PEAK1: variants seen among roughly 807,000 people sequenced by gnomAD.
PEAK1 encodes inactive tyrosine-protein kinase PEAK1.
Under a neutral mutation model 124.7 loss-of-function variants are expected in PEAK1, and 54 were observed. The ratio of observed to expected loss-of-function variants is 0.43; its 90% confidence interval spans 0.35 to 0.54. PEAK1 has a LOEUF of 0.54. Ranked by LOEUF, PEAK1 falls within the 20% of genes least tolerant of loss-of-function variation. The pLI, the probability that PEAK1 is intolerant of heterozygous loss-of-function variation, is 0.01. For synonymous variants in PEAK1, 719 were observed against 760.0 expected (o/e 0.95, Z 0.89); for missense variants, 2,046 against 2,134.5 (o/e 0.96, Z 0.82).
chr15:77,239,754 C>CA, intron 6 of PEAK1: 1 of 732,508 alleles, frequency 1.4e-6, no homozygotes, highest in Non-Finnish European at 1.7e-6. Flanking sequence ...ATGGGATTTA[C>CA]AGAGTATTCC....
At chr15:77,289,445 G>GA (rs1404215928) in intron 2 of PEAK1, among the ~76,000 whole-genome samples, 4 of 152,184 alleles carry the variant, frequency 2.6e-5, no homozygotes, top group Non-Finnish European at 5.9e-5. Context: ...TAGGGAAAGT[G>GA]AAAATATAGT....
intron 7 of PEAK1, among the ~76,000 whole-genome samples, chr15:77,160,595 G>C (rs949577220): frequency 2.0e-5 from 3 of 152,076 alleles, no homozygotes; most frequent in East Asian, 3.9e-4. Flanking sequence ...AGAATCTCTT[G>C]AACCTGGGAG....
intron 7 of PEAK1, among the ~76,000 whole-genome samples, chr15:77,176,965 G>GTT (rs200657147): frequency 6.6e-6 from 1 of 151,288 alleles, no homozygotes. Flanking sequence ...TGAAATACAT[G>GTT]TTTTTTTTTG....
Position 77,286,468 on chromosome 15 carries a change from T to C in PEAK1, c.-566A>G, listed in dbSNP as rs527684872. The C allele has an allele frequency of 1.2e-5, 15 of 1,229,984 alleles. No homozygotes were observed. The highest frequency in any genetic ancestry group is 6.2e-4 in the Middle Eastern group (2 of 3,218). The allele number at this position is 1,229,984 out of a possible 1,614,324, so 76.2% of individuals were successfully genotyped here. A position where few individuals can be genotyped will look rare whatever the true frequency, so the allele number is the denominator to read the frequency against. ...TCTGGGCATTATGTTGTTGCTTCCT[T>C]TTCTTTCCTTACAAATGGATCTCAA... On this transcript the variant is annotated 5_prime_UTR_variant, in exon 3 of 10. Transcript: ENST00000682557.
chr15:77,401,874 G>T lies in PEAK1; in HGVS notation c.-666+18132C>A, dbSNP rs1417485704. ...TATTATATTTTCTATGCTAAGAATG[G>T]GCAGAAGCAAGATACAGAAGTAGCA... is the stretch of plus-strand genomic sequence containing the variant. On this transcript the variant is annotated intron_variant, in intron 1 of 9. Transcript: ENST00000682557. 14 of 985,028 alleles carry T rather than the reference G, an allele frequency of 1.4e-5. No homozygotes were observed. The Middle Eastern group carries it at 1.5e-3, about 109-fold the overall frequency. The allele number at this position is 985,028 out of a possible 1,614,324, so 61.0% of individuals were successfully genotyped here.
intron 6 of PEAK1, among the ~76,000 whole-genome samples, chr15:77,250,200 T>C (rs1388396002): frequency 2.6e-5 from 3 of 113,672 alleles, no homozygotes; most frequent in South Asian, 2.7e-4. Context: ...TACATATATA[T>C]ACATATATAT....
intron 6 of PEAK1, among the ~76,000 whole-genome samples, chr15:77,227,422 T>C (rs1423338279): frequency 1.3e-5 from 2 of 151,948 alleles, no homozygotes; most frequent in Non-Finnish European, 2.9e-5. Context: ...ATGAACAACA[T>C]ACAGACAGGA....
At chr15:77,138,897 T>C (rs1364658314) in intron 8 of PEAK1, among the ~76,000 whole-genome samples, 1 of 152,166 alleles carries the variant, frequency 6.6e-6, no homozygotes, top group East Asian at 1.9e-4. Flanking sequence ...CTTTGTGTCT[T>C]TATGCTACAA....
intron 6 of PEAK1, among the ~76,000 whole-genome samples, chr15:77,222,776 C>A (rs78692635): frequency 0.023 from 3,429 of 152,032 alleles, 109 homozygotes; most frequent in African/African-American, 0.072. Context: ...GGCATGTCTT[C>A]CAGAGGCTAT....
Position 77,179,022 on chromosome 15 carries a change from G to C in PEAK1, c.2905C>G (p.Gln969Glu), listed in dbSNP as rs2057064026. 6.2e-7 allele frequency: 1 copy of C among 1,614,148 alleles called. No individual in the cohort carries two copies. The highest frequency in any genetic ancestry group is 1.1e-5 in the South Asian group (1 of 91,076). ...GCCTCTGTGAACCAGTGATGGCGCT[G>C]AACTGGAGGAGGAGGCAGCATGTGA... ...VIHMLPPPPVQRHHWFTEAKG... is the reference protein window; with the variant it reads ...VIHMLPPPPVERHHWFTEAKG... The change falls in exon 7 of 10, where the codon CAG (glutamine) becomes GAG (glutamate). Residue 969 changes from glutamine (Q) to glutamate (E), a missense_variant. Coordinates refer to ENST00000682557, the MANE Select transcript of PEAK1 (RefSeq NM_001385026.1).
At chr15:77,374,805 T>C (rs1378677882) in intron 1 of PEAK1, among the ~76,000 whole-genome samples, 3 of 152,160 alleles carry the variant, frequency 2.0e-5, no homozygotes, top group African/African-American at 7.2e-5. Context: ...ACTATCTCAT[T>C]AAGATCAATC....
chr15:77,203,613 A>G (rs1263297533), intron 6 of PEAK1, among the ~76,000 whole-genome samples: 6 of 152,132 alleles, frequency 3.9e-5, no homozygotes, highest in African/African-American at 1.4e-4. Flanking sequence ...TAGACCAGAA[A>G]CAGATCCATA....
intron 7 of PEAK1, among the ~76,000 whole-genome samples, chr15:77,176,425 G>C (rs550071744): frequency 2.0e-5 from 3 of 152,004 alleles, no homozygotes; most frequent in Non-Finnish European, 4.4e-5. Context: ...TGTGACCCAA[G>C]GACCAGCAGC....
chr15:77,195,382 G>A (rs1428059970), intron 6 of PEAK1, among the ~76,000 whole-genome samples: 3 of 151,946 alleles, frequency 2.0e-5, no homozygotes, highest in Non-Finnish European at 4.4e-5. Context: ...GAGGAGATGA[G>A]GAAGTGGGGA....
At chr15:77,348,805 G>T in intron 2 of PEAK1, 1 of 824,314 alleles carries the variant, frequency 1.2e-6, no homozygotes, top group Non-Finnish European at 1.5e-6. Flanking sequence ...TTGTGGGGGA[G>T]GGGGCGGGCA....
At chr15:77,143,764 T>C (rs1313039159) in intron 8 of PEAK1, among the ~76,000 whole-genome samples, 1 of 152,228 alleles carries the variant, frequency 6.6e-6, no homozygotes, top group Non-Finnish European at 1.5e-5. Context: ...TGAATATTTC[T>C]CTGTAAGCAC....
intron 1 of PEAK1, among the ~76,000 whole-genome samples, chr15:77,377,291 G>A (rs948170065): frequency 2.6e-5 from 4 of 152,156 alleles, no homozygotes; most frequent in African/African-American, 4.8e-5. Context: ...GGCTGAGGTG[G>A]GAGGATTGCT....
intron 5 of PEAK1, among the ~76,000 whole-genome samples, chr15:77,275,096 A>C (rs567411349): frequency 6.6e-6 from 1 of 152,320 alleles, no homozygotes. Flanking sequence ...GTTCTCACTC[A>C]TAAGTGGAAG....
Position 77,301,221 on chromosome 15 carries a change from C to T in PEAK1, c.-602-14717G>A, listed in dbSNP as rs527479952. 5.3e-5 allele frequency among the ~76,000 whole-genome samples: 8 copies of T among 152,264 alleles called. No individual in the cohort carries two copies. The South Asian group carries it at 1.7e-3, about 32-fold the overall frequency. ...CCTTGACTCTTCTAACTTCTGGTGG[C>T]TGTAGGGATCCCTTTGCTTGTGGCT... On this transcript the variant is annotated intron_variant, in intron 2 of 9. Coordinates refer to ENST00000682557, the MANE Select transcript of PEAK1 (RefSeq NM_001385026.1).
Sources: gnomAD v4.1 joint callset for allele counts (sites outside exome capture counted in the v4.1 genomes callset) on GRCh38, gnomAD v4.1.1 for gene constraint, MANE v1.5 for transcripts, NCBI Gene and HGNC (gene_info 2026-07-23, HGNC 2026-07-21) for gene names.